The following NCKAP5 variants were observed in gnomAD, a reference collection of about 807,000 sequenced individuals.
The protein encoded by NCKAP5 is NCK associated protein 5, also known as nck-associated protein 5.
A neutral mutation model predicts 167.0 loss-of-function variants in NCKAP5; 92 were observed. The observed-to-expected ratio is 0.55, with a 90% confidence interval of 0.47 to 0.66. The LOEUF (loss-of-function observed/expected upper bound fraction) is 0.66. Ranked by LOEUF, NCKAP5 falls within the 30% of genes least tolerant of loss-of-function variation. The pLI is 0.00. For synonymous variants in NCKAP5, 891 were observed against 877.4 expected (o/e 1.02, Z -0.27); for missense variants, 2,378 against 2,315.0 (o/e 1.03, Z -0.56).
chr2:133,126,289 C>T (rs1559165506), intron 6 of NCKAP5, among the ~76,000 whole-genome samples: 1 of 152,212 alleles, frequency 6.6e-6, no homozygotes, highest in Non-Finnish European at 1.5e-5. Context: ...ACAAGGCCAT[C>T]AAACATACCA....
At chr2:133,451,792 C>T (rs187639933) in intron 3 of NCKAP5, among the ~76,000 whole-genome samples, 8 of 152,314 alleles carry the variant, frequency 5.3e-5, no homozygotes, top group African/African-American at 1.9e-4. Context: ...TGGGCTAAGC[C>T]ATCTATATGG....
chr2:132,978,822 A>G (rs939336225), intron 7 of NCKAP5, among the ~76,000 whole-genome samples: 1 of 152,154 alleles, frequency 6.6e-6, no homozygotes. Flanking sequence ...TCTGCCCACA[A>G]CAACCCTGAA....
chr2:133,403,937 T>C (rs374424368), intron 3 of NCKAP5, among the ~76,000 whole-genome samples: 1 of 151,006 alleles, frequency 6.6e-6, no homozygotes, highest in South Asian at 2.1e-4. Context: ...TCACCAGTCA[T>C]ACCTGAGCCC....
intron 15 of NCKAP5, among the ~76,000 whole-genome samples, chr2:132,778,547 G>T (rs1192840137): frequency 6.6e-6 from 1 of 152,002 alleles, no homozygotes; most frequent in Admixed American, 6.6e-5. Flanking sequence ...AAAAGATGGT[G>T]GTATAGTACG....
chr2:132,899,881 A>C (rs1460566556), intron 8 of NCKAP5, among the ~76,000 whole-genome samples: 2 of 152,162 alleles, frequency 1.3e-5, no homozygotes, highest in East Asian at 3.9e-4. Context: ...TCTCAAACAA[A>C]CAAACAAACA....
chr2:133,338,602 T>A (rs1224694650), intron 3 of NCKAP5, among the ~76,000 whole-genome samples: 3 of 152,216 alleles, frequency 2.0e-5, no homozygotes. Context: ...GCAGGAGGCC[T>A]GTTATATGGT....
chr2:133,312,311 T>G (rs2150620169), intron 3 of NCKAP5, among the ~76,000 whole-genome samples: 1 of 152,272 alleles, frequency 6.6e-6, no homozygotes, highest in Non-Finnish European at 1.5e-5. Flanking sequence ...GCTTAGCAGA[T>G]CTTCAGAGTA....
chr2:133,540,797 G>A (rs546748875), intron 2 of NCKAP5, among the ~76,000 whole-genome samples: 4 of 151,830 alleles, frequency 2.6e-5, no homozygotes, highest in East Asian at 1.9e-4. Context: ...TTAGCCAGGC[G>A]TGGTGGCATG....
intron 6 of NCKAP5, among the ~76,000 whole-genome samples, chr2:132,995,590 G>T (rs2077571798): frequency 6.6e-6 from 1 of 151,878 alleles, no homozygotes; most frequent in Non-Finnish European, 1.5e-5. Flanking sequence ...GGCAGAGGTT[G>T]CAGTGAGCCA....
At chr2:133,593,863 C>G in the NCKAP5 span, among the ~76,000 whole-genome samples, 1 of 152,152 alleles carries the variant, frequency 6.6e-6, no homozygotes, top group African/African-American at 2.4e-5. Flanking sequence ...GGATGCAGCC[C>G]TCACTTCCAT....
chr2:133,344,337 G>T (rs1414033634), intron 3 of NCKAP5, among the ~76,000 whole-genome samples: 1 of 151,668 alleles, frequency 6.6e-6, no homozygotes, highest in Non-Finnish European at 1.5e-5. Flanking sequence ...GAACCTGGGA[G>T]GCAGAAGTTG....
Position 132,846,093 on chromosome 2 carries a change from G to T in NCKAP5, c.807+14399C>A, listed in dbSNP as rs1029340610. Among the ~76,000 whole-genome samples the T allele has an allele frequency of 1.3e-5, 2 of 151,990 alleles. 1 individual carries two copies. Among genetic ancestry groups the T allele is most frequent in the South Asian group, 4.1e-4 (2 of 4,828 alleles). On this transcript the variant is annotated intron_variant, in intron 11 of 19. Coordinates refer to ENST00000409261, the MANE Select transcript of NCKAP5 (RefSeq NM_207363.3). ...CCAATTGGTTGTTACTGATATATAA[G>T]AAATATATCGGCTCTTGCGTGTTTT...
chr2:133,488,888 T>C (rs1402586164), intron 3 of NCKAP5, among the ~76,000 whole-genome samples: 1 of 151,814 alleles, frequency 6.6e-6, no homozygotes, highest in Non-Finnish European at 1.5e-5. Context: ...TGCACTCCAG[T>C]GGGTGACAAA....
intron 3 of NCKAP5, among the ~76,000 whole-genome samples, chr2:133,360,568 C>T (rs936741150): frequency 6.6e-6 from 1 of 152,116 alleles, no homozygotes; most frequent in Non-Finnish European, 1.5e-5. Context: ...AGTCGACTAT[C>T]TGGTAAGTCT....
chr2:133,164,740 G>C (rs16857813), intron 5 of NCKAP5, among the ~76,000 whole-genome samples: 21,504 of 152,098 alleles, frequency 0.14, 1,710 homozygotes, highest in East Asian at 0.39. Flanking sequence ...ATCCTTCAGT[G>C]TCTCGGGAAT....
chr2:133,201,499 A>G (rs2085684978), intron 5 of NCKAP5, among the ~76,000 whole-genome samples: 1 of 152,214 alleles, frequency 6.6e-6, no homozygotes, highest in Non-Finnish European at 1.5e-5. Context: ...GTTCAAAAAC[A>G]GGCAAGACTG....
intron 3 of NCKAP5, among the ~76,000 whole-genome samples, chr2:133,321,952 A>G (rs1231518723): frequency 6.6e-6 from 1 of 152,180 alleles, no homozygotes; most frequent in Non-Finnish European, 1.5e-5. Context: ...GTCTTAGCTC[A>G]ATATTAATTA....
At chr2:133,536,684 G>GT (rs1011279435) in intron 2 of NCKAP5, among the ~76,000 whole-genome samples, 5 of 151,400 alleles carry the variant, frequency 3.3e-5, no homozygotes, top group East Asian at 1.9e-4. Flanking sequence ...AGTTCTAAGA[G>GT]TTTTTTTTAT....
At chr2:133,307,365 A>G (rs1680852883) in intron 3 of NCKAP5, among the ~76,000 whole-genome samples, 1 of 152,362 alleles carries the variant, frequency 6.6e-6, no homozygotes, top group African/African-American at 2.4e-5. Flanking sequence ...TGCAAACAAC[A>G]AACAAAGGGA....
Sources: gnomAD v4.1 joint callset for allele counts (sites outside exome capture counted in the v4.1 genomes callset) on GRCh38, gnomAD v4.1.1 for gene constraint, MANE v1.5 for transcripts, NCBI Gene and HGNC (gene_info 2026-07-23, HGNC 2026-07-21) for gene names.